Variants in PPFIA2 observed in about 807,000 individuals in gnomAD.
The protein encoded by PPFIA2 is liprin-alpha-2.
A neutral mutation model predicts 175.5 loss-of-function variants in PPFIA2; 46 were observed. The observed-to-expected ratio is 0.26, with a 90% confidence interval of 0.21 to 0.34. The LOEUF (loss-of-function observed/expected upper bound fraction) is 0.34, where lower values mean the gene tolerates loss of function less well. PPFIA2 is among the 10% of genes least tolerant of loss of function. The pLI, the probability that PPFIA2 is intolerant of heterozygous loss-of-function variation, is 1.00. For synonymous variants in PPFIA2, 568 were observed against 511.4 expected, an observed-to-expected ratio of 1.11 and a Z score of -1.49; for missense variants, 1,179 against 1,506.1, an observed-to-expected ratio of 0.78 and a Z score of 3.60.
intron 24 of PPFIA2, among the ~76,000 whole-genome samples, chr12:81,293,447 G>A (rs7954123): frequency 0.39 from 59,047 of 151,632 alleles, 12,584 homozygotes; most frequent in Non-Finnish European, 0.49. Context: ...TCTGTAAAAC[G>A]TCAAACTCAC....
At chr12:81,392,762 G>T (rs1595990870) in intron 8 of PPFIA2, among the ~76,000 whole-genome samples, 1 of 151,912 alleles carries the variant, frequency 6.6e-6, no homozygotes, top group African/African-American at 2.4e-5. Context: ...TAAAATCTGT[G>T]TTCAGAACGT....
intron 3 of PPFIA2, among the ~76,000 whole-genome samples, chr12:81,695,725 C>T (rs2075822785): frequency 6.6e-6 from 1 of 152,088 alleles, no homozygotes; most frequent in African/African-American, 2.4e-5. Context: ...AAAACACCAG[C>T]CAAAAAATAA....
At chr12:81,491,915 C>T (rs984464201) in intron 4 of PPFIA2, among the ~76,000 whole-genome samples, 8 of 151,996 alleles carry the variant, frequency 5.3e-5, no homozygotes, top group South Asian at 4.1e-4. Flanking sequence ...TTTAGCCTCA[C>T]ATCATTTCTC....
rs112099418 is a variant in PPFIA2, at chr12:81,620,237, A to T, written c.303+56554T>A. Reference sequence around the variant, plus strand: ...TGACTGGATAAATAAAAAATAATTTAAAAAATTAAGACTGGCTTATTGAAA... The same window carrying T: ...TGACTGGATAAATAAAAAATAATTTTAAAAATTAAGACTGGCTTATTGAAA... On this transcript the variant is annotated intron_variant, in intron 4 of 32. Transcript: ENST00000549396. Among the ~76,000 whole-genome samples the T allele has an allele frequency of 7.6e-4, 115 of 151,820 alleles. 4 individuals are homozygous for T. Among genetic ancestry groups the T allele is most frequent in the African/African-American group, 2.7e-3 (114 of 41,490 alleles).
chr12:81,442,278 A>G (rs569704930), intron 6 of PPFIA2, among the ~76,000 whole-genome samples: 7 of 152,078 alleles, frequency 4.6e-5, no homozygotes, highest in African/African-American at 7.2e-5. Flanking sequence ...ATTTTGAGTT[A>G]TGTTATAAAT....
At chr12:81,534,246 T>C (rs887352689) in intron 4 of PPFIA2, among the ~76,000 whole-genome samples, 1 of 151,612 alleles carries the variant, frequency 6.6e-6, no homozygotes, top group Non-Finnish European at 1.5e-5. Flanking sequence ...GAATAAGTTC[T>C]AAAAGTCCAT....
At chr12:81,473,070 G>A (rs1455492529) in intron 4 of PPFIA2, 2 of 152,160 alleles carry the variant, frequency 1.3e-5, no homozygotes, top group African/African-American at 2.4e-5. Context: ...TATGGAACAA[G>A]CCTTGTAAGT....
intron 5 of PPFIA2, among the ~76,000 whole-genome samples, chr12:81,455,274 G>T (rs1270113252): frequency 6.6e-6 from 1 of 152,164 alleles, no homozygotes; most frequent in African/African-American, 2.4e-5. Context: ...CTGGGGGATG[G>T]AGGAGGGTGA....
intron 4 of PPFIA2, among the ~76,000 whole-genome samples, chr12:81,538,605 A>C (rs2065752238): frequency 6.6e-6 from 1 of 151,916 alleles, no homozygotes; most frequent in Non-Finnish European, 1.5e-5. Context: ...ATTTCAACAA[A>C]GACTTGAAAG....
chr12:81,479,354 C>T (rs2057902304), intron 4 of PPFIA2, among the ~76,000 whole-genome samples: 1 of 152,170 alleles, frequency 6.6e-6, no homozygotes. Context: ...GAATACAGCA[C>T]ACCGATAGGT....
At chr12:81,675,911 G>A (rs1312372363) in intron 4 of PPFIA2, among the ~76,000 whole-genome samples, 4 of 152,014 alleles carry the variant, frequency 2.6e-5, no homozygotes, top group African/African-American at 9.7e-5. Flanking sequence ...TACTTTAGGA[G>A]CAACTTGATG....
At chr12:81,294,053 TACA>T (rs2045777583) in intron 24 of PPFIA2, among the ~76,000 whole-genome samples, 2 of 151,878 alleles carry the variant, frequency 1.3e-5, no homozygotes, top group Admixed American at 1.3e-4. Flanking sequence ...AAAAATCAAA[TACA>T]ACATGTCCTC....
intron 9 of PPFIA2, among the ~76,000 whole-genome samples, chr12:81,380,854 C>T (rs888695928): frequency 6.6e-6 from 1 of 151,996 alleles, no homozygotes; most frequent in Non-Finnish European, 1.5e-5. Flanking sequence ...GTAATACACC[C>T]GTAATAGTTT....
At chr12:81,518,671 C>G (rs1023920969) in intron 4 of PPFIA2, among the ~76,000 whole-genome samples, 4 of 152,180 alleles carry the variant, frequency 2.6e-5, no homozygotes, top group African/African-American at 7.2e-5. Flanking sequence ...GAACTCCCTA[C>G]AAACTTTCCC....
intron 3 of PPFIA2, among the ~76,000 whole-genome samples, chr12:81,696,654 C>A (rs889459143): frequency 3.3e-5 from 5 of 151,952 alleles, no homozygotes; most frequent in African/African-American, 1.2e-4. Flanking sequence ...ATGGCCTCAG[C>A]GAAACTTTTT....
intron 5 of PPFIA2, among the ~76,000 whole-genome samples, chr12:81,447,189 T>A (rs924158359): frequency 6.6e-6 from 1 of 152,172 alleles, no homozygotes; most frequent in African/African-American, 2.4e-5. Context: ...CCTGAAATTT[T>A]CAAGGAGCCC....
rs115398060 is a variant in PPFIA2, at chr12:81,597,733, T to C, written c.303+79058A>G. ...CAGATTTAAAAATTCCTGTGGAAAA[T>C]TGTGTTCACTATTTTTTTTTTTAAT... is the stretch of plus-strand genomic sequence containing the variant. On this transcript the variant is annotated intron_variant, in intron 4 of 32. Coordinates refer to ENST00000549396, the MANE Select transcript of PPFIA2 (RefSeq NM_003625.5). 2.6e-3 allele frequency among the ~76,000 whole-genome samples: 213 copies of C among 81,714 alleles called. 2 individuals carry two copies. The highest frequency in any genetic ancestry group is 0.011 in the African/African-American group (199 of 18,024). 53.6% of individuals were successfully genotyped at this position (81,714 alleles called of 152,430 possible). A position where few individuals can be genotyped will look rare whatever the true frequency, so the allele number is the denominator to read the frequency against.
At chr12:81,444,498 T>C (rs952823600) in intron 6 of PPFIA2, among the ~76,000 whole-genome samples, 1 of 152,156 alleles carries the variant, frequency 6.6e-6, no homozygotes, top group Non-Finnish European at 1.5e-5. Context: ...AATTTTTATA[T>C]AATATTCATT....
rs145551642 is a variant in PPFIA2, at chr12:81,281,173, G to A, written c.3212+84C>T. ...GACATATATTTTCTGTCTTCTAGAC[G>A]TCCATTTTTGTTTTACTAAAGTATA... On this transcript the variant is annotated intron_variant, in intron 27 of 32. Coordinates refer to ENST00000549396, the MANE Select transcript of PPFIA2 (RefSeq NM_003625.5). 1.5e-4 allele frequency: 148 copies of A among 1,015,092 alleles called. No individual in the cohort carries two copies. In the African/African-American group the frequency reaches 2.1e-3, roughly 14 times the overall value. The allele number at this position is 1,015,092 out of a possible 1,614,324, so 62.9% of individuals were successfully genotyped here.
Sources: allele counts gnomAD v4.1 joint callset (sites outside exome capture counted in the v4.1 genomes callset), GRCh38; gene constraint gnomAD v4.1.1; transcripts MANE v1.5; gene names NCBI Gene and HGNC (gene_info 2026-07-23, HGNC 2026-07-21).